Variants in NBPF12 observed in about 807,000 individuals in gnomAD.
NBPF12 encodes the protein NBPF member 12.
NBPF12 carries 115 observed loss-of-function variants against 146.4 expected under a neutral mutation model. The ratio of observed to expected loss-of-function variants is 0.79; its 90% CI spans 0.68 to 0.92. The LOEUF is 0.92. Ranked by LOEUF, NBPF12 falls within the 40% of genes least tolerant of loss-of-function variation. The pLI is 0.00. For synonymous variants in NBPF12, 385 were observed against 508.9 expected (o/e 0.76, Z 3.28); for missense variants, 1,205 against 1,326.8 (o/e 0.91, Z 1.43).
chr1:146,989,253 G>C (rs1412873191), intron 27 of NBPF12, among the ~76,000 whole-genome samples: 1 of 142,018 alleles, frequency 7.0e-6, no homozygotes, highest in Non-Finnish European at 1.6e-5. Flanking sequence ...ACAGTTTGCT[G>C]TGTGTCATGA....
chr1:146,967,764 T>G (rs1288637078), intron 9 of NBPF12, among the ~76,000 whole-genome samples: 7 of 150,170 alleles, frequency 4.7e-5, no homozygotes, highest in Non-Finnish European at 7.4e-5. Flanking sequence ...CTCTGTAAAT[T>G]GCTACAGTGA....
intron 2 of NBPF12, among the ~76,000 whole-genome samples, chr1:146,954,931 ATATT>A (rs1655507359): frequency 1.5e-5 from 2 of 129,180 alleles, no homozygotes; most frequent in African/African-American, 5.5e-5. Context: ...GTATATATAT[ATATT>A]CACCGTTTTG....
chr1:146,975,331 G>A (rs1656917928), intron 15 of NBPF12, among the ~76,000 whole-genome samples: 1 of 136,592 alleles, frequency 7.3e-6, no homozygotes, highest in Non-Finnish European at 1.5e-5. Flanking sequence ...TCTAATGGCC[G>A]CAAGATGCAC....
intron 2 of NBPF12, among the ~76,000 whole-genome samples, chr1:146,957,987 GTATA>G (rs1228192892): frequency 7.8e-5 from 9 of 115,620 alleles, no homozygotes; most frequent in African/African-American, 2.4e-4. Flanking sequence ...ATATGTGTGT[GTATA>G]TATATATATA....
At chr1:146,966,777 T>C in intron 9 of NBPF12, 104 bp downstream of exon 12, 2 of 767,514 alleles carry the variant, frequency 2.6e-6, no homozygotes, top group South Asian at 2.8e-5. Context: ...ATCCTCCCCA[T>C]ACTTCTAGGA....
exon 9 of NBPF12, chr1:146,966,474 C>G: frequency 7.2e-7 from 1 of 1,389,548 alleles, no homozygotes; most frequent in African/African-American, 1.4e-5. Context: ...TCCCTGGCCC[C>G]ACCTCTTCTG....
At chr1:146,963,109 T>C (rs1655968815) in exon 6 of NBPF12, 3 of 1,609,390 alleles carry the variant, frequency 1.9e-6, no homozygotes, top group South Asian at 2.2e-5. Context: ...TATAAAGTCC[T>C]GGTTCACTCT....
chr1:146,990,018 C>T (rs1658053592), intron 28 of NBPF12, among the ~76,000 whole-genome samples: 1 of 131,824 alleles, frequency 7.6e-6, no homozygotes, highest in African/African-American at 2.8e-5. Context: ...GTGACAAATT[C>T]ACACAACTCT....
intron 4 of NBPF12, among the ~76,000 whole-genome samples, chr1:146,961,273 C>G (rs1319096944): frequency 2.1e-4 from 32 of 151,716 alleles, no homozygotes; most frequent in Non-Finnish European, 1.8e-4. Flanking sequence ...AGATCACACC[C>G]GAGAATGTGT....
intron 25 of NBPF12, among the ~76,000 whole-genome samples, chr1:146,987,604 G>A (rs1657857814): frequency 1.3e-5 from 2 of 152,052 alleles, no homozygotes; most frequent in African/African-American, 2.4e-5. Context: ...TGTGTGTCCT[G>A]AGGGCACTAA....
upstream of NBPF12, among the ~76,000 whole-genome samples, chr1:146,946,009 C>G (rs1177592186): frequency 5.9e-3 from 900 of 151,910 alleles, 17 homozygotes; most frequent in African/African-American, 0.021. Context: ...ATCTTTTTGA[C>G]TTTCCAAGAA....
intron 6 of NBPF12, among the ~76,000 whole-genome samples, 164 bp from the exon 10 acceptor site, chr1:146,964,193 G>A (rs1656043089): frequency 1.3e-5 from 2 of 150,040 alleles, no homozygotes; most frequent in Non-Finnish European, 2.9e-5. Flanking sequence ...ATTGCCTGAT[G>A]GACCAGGAAA....
intron 12 of NBPF12, 41 bp from the exon 16 acceptor site, chr1:146,971,142 T>C: frequency 1.2e-6 from 2 of 1,609,790 alleles, no homozygotes; most frequent in Non-Finnish European, 1.7e-6. Context: ...AATCCCTCTG[T>C]GTTTAATCTT....
chr1:146,956,026 G>A (rs1169298073), intron 2 of NBPF12, among the ~76,000 whole-genome samples: 5 of 151,012 alleles, frequency 3.3e-5, no homozygotes, highest in Admixed American at 6.6e-5. Context: ...CCACTCAGTC[G>A]CTACTGAAAC....
intron 6 of NBPF12, 78 bp from the exon 10 acceptor site, chr1:146,964,279 G>T: frequency 1.3e-6 from 2 of 1,584,880 alleles, no homozygotes; most frequent in Non-Finnish European, 1.7e-6. Flanking sequence ...AGATGTTCAT[G>T]TCTCTGTGCA....
At chr1:146,941,015 T>G (rs1654776773) in intron 1 of NBPF12, among the ~76,000 whole-genome samples, 1 of 152,134 alleles carries the variant, frequency 6.6e-6, no homozygotes, top group Non-Finnish European at 1.5e-5. Flanking sequence ...TGGATTGCAT[T>G]TCTCTTTTTT....
chr1:146,951,731 A>G (rs1284470780), intron 2 of NBPF12: 14 of 418,940 alleles, frequency 3.3e-5, no homozygotes, highest in Non-Finnish European at 5.1e-5. Flanking sequence ...TTTTATTGCA[A>G]AATATTGCCT....
At chr1:146,963,396 C>T (rs1467463173) in intron 6 of NBPF12, 87 bp downstream of exon 9, 1 of 1,601,712 alleles carries the variant, frequency 6.2e-7, no homozygotes, top group African/African-American at 1.3e-5. Flanking sequence ...ACAGTTGTAT[C>T]AGTGGGGTTT....
chr1:146,981,390 C>T (rs1204676234), intron 19 of NBPF12, among the ~76,000 whole-genome samples: 11 of 150,216 alleles, frequency 7.3e-5, no homozygotes, highest in African/African-American at 2.7e-4. Flanking sequence ...CTCCCACTCT[C>T]TTCTGGCTTG....
Sources: allele counts gnomAD v4.1 joint callset (sites outside exome capture counted in the v4.1 genomes callset), GRCh38; gene constraint gnomAD v4.1.1; transcripts MANE v1.5; gene names NCBI Gene and HGNC (gene_info 2026-07-23, HGNC 2026-07-21).